Variants in NALF1 observed in about 807,000 individuals in gnomAD.
NALF1 encodes the protein family with sequence similarity 155 member A.
In NALF1, 3 loss-of-function variants were observed where a neutral mutation model predicts 48.4. The observed-to-expected ratio is 0.06, with a 90% CI of 0.03 to 0.16. The LOEUF (loss-of-function observed/expected upper bound fraction) is 0.16, where lower values mean the gene tolerates loss of function less well. Among genes scored for constraint, NALF1 ranks in the 10% least tolerant of loss-of-function variants. The pLI, the probability that NALF1 is intolerant of heterozygous loss-of-function variation, is 1.00. For missense variants in NALF1, 526 were observed against 571.5 expected (o/e 0.92, Z 0.81); for synonymous variants, 262 against 245.7 (o/e 1.07, Z -0.62).
At chr13:107,189,468 C>T (rs748241248) in intron 2 of NALF1, among the ~76,000 whole-genome samples, 2 of 152,110 alleles carry the variant, frequency 1.3e-5, no homozygotes, top group African/African-American at 4.8e-5. Context: ...TCTTAGTGAT[C>T]GTTGGACTTT....
chr13:107,254,210 G>T (rs547974759), intron 1 of NALF1, among the ~76,000 whole-genome samples: 1 of 152,192 alleles, frequency 6.6e-6, no homozygotes, highest in Non-Finnish European at 1.5e-5. Flanking sequence ...TGAGCAAGAA[G>T]TTGTCATCTT....
intron 1 of NALF1, among the ~76,000 whole-genome samples, chr13:107,344,845 A>G (rs1033997877): frequency 6.6e-6 from 1 of 152,196 alleles, no homozygotes; most frequent in African/African-American, 2.4e-5. Flanking sequence ...TAGTAGAAAA[A>G]TATATAAATA....
chr13:107,462,745 C>G (rs1054874906), intron 1 of NALF1, among the ~76,000 whole-genome samples: 2 of 152,196 alleles, frequency 1.3e-5, no homozygotes, highest in African/African-American at 4.8e-5. Flanking sequence ...GGCAGCTACA[C>G]TTTGTGGGTG....
At chr13:107,858,082 T>A (rs1880481717) in intron 1 of NALF1, among the ~76,000 whole-genome samples, 1 of 152,242 alleles carries the variant, frequency 6.6e-6, no homozygotes, top group Non-Finnish European at 1.5e-5. Flanking sequence ...GTTCTTCTGA[T>A]CTTCACATTA....
intron 1 of NALF1, among the ~76,000 whole-genome samples, chr13:107,332,526 C>T (rs1882488342): frequency 6.6e-6 from 1 of 152,216 alleles, no homozygotes; most frequent in Non-Finnish European, 1.5e-5. Context: ...ACGCATGGCC[C>T]CTCAGGAGCA....
At chr13:107,229,325 G>A (rs1880172269) in intron 1 of NALF1, among the ~76,000 whole-genome samples, 1 of 152,150 alleles carries the variant, frequency 6.6e-6, no homozygotes, top group Non-Finnish European at 1.5e-5. Context: ...CTGGAGAAAG[G>A]CACTTTTGGG....
At chr13:107,580,362 C>T (rs1056500768) in intron 1 of NALF1, among the ~76,000 whole-genome samples, 1 of 152,118 alleles carries the variant, frequency 6.6e-6, no homozygotes, top group Non-Finnish European at 1.5e-5. Flanking sequence ...ATTTCCCACC[C>T]CAGGGCTTTA....
At chr13:107,865,578 A>G in intron 1 of NALF1, 104 bp downstream of exon 1, 2 of 1,464,644 alleles carry the variant, frequency 1.4e-6, no homozygotes, top group Non-Finnish European at 1.8e-6. Context: ...ACACAAAGTA[A>G]CAAAACCATA....
At chr13:107,861,549 C>T (rs1314174812) in intron 1 of NALF1, among the ~76,000 whole-genome samples, 1 of 152,198 alleles carries the variant, frequency 6.6e-6, no homozygotes, top group African/African-American at 2.4e-5. Context: ...CTTTGGGAGG[C>T]CAAGGCGGGC....
chr13:107,188,951 A>C (rs1311478728), intron 2 of NALF1, among the ~76,000 whole-genome samples: 1 of 152,252 alleles, frequency 6.6e-6, no homozygotes, highest in Non-Finnish European at 1.5e-5. Flanking sequence ...AGAAAAGGCC[A>C]TACTGACCTG....
chr13:107,174,349 TTA>T (rs564432808), intron 2 of NALF1, among the ~76,000 whole-genome samples: 75,777 of 141,774 alleles, frequency 0.53, 19,586 homozygotes, highest in Middle Eastern at 0.61. Context: ...TTATTTTTAT[TTA>T]TTTATTTATT....
At chr13:107,196,710 G>A (rs1566447642) in intron 2 of NALF1, among the ~76,000 whole-genome samples, 1 of 152,140 alleles carries the variant, frequency 6.6e-6, no homozygotes, top group Non-Finnish European at 1.5e-5. Context: ...GGAGATGTAG[G>A]TCAAAGGATG....
rs1262045202 is a variant in NALF1 at position 107,249,505 on chromosome 13, A to G, written c.916-38750T>C. On this transcript the variant is annotated intron_variant, in intron 1 of 2. Coordinates refer to ENST00000375915, the MANE Select transcript of NALF1 (RefSeq NM_001080396.3). ...AAAATATCAACTTTATGAAGCCAAAAATATTTAGTGAGTGACCGTAGGTTG... is the reference window on the plus strand; with the variant it reads ...AAAATATCAACTTTATGAAGCCAAAGATATTTAGTGAGTGACCGTAGGTTG... 2.0e-5 allele frequency among the ~76,000 whole-genome samples: 3 copies of G among 152,224 alleles called. No homozygotes were observed. The East Asian group carries it at 5.8e-4, about 29-fold the overall frequency.
At chr13:107,358,054 A>T (rs1882993304) in intron 1 of NALF1, among the ~76,000 whole-genome samples, 1 of 152,186 alleles carries the variant, frequency 6.6e-6, no homozygotes, top group South Asian at 2.1e-4. Context: ...ACGTGTGCAT[A>T]TGCATATTTA....
At chr13:107,411,479 G>A (rs1439054388) in intron 1 of NALF1, among the ~76,000 whole-genome samples, 1 of 151,952 alleles carries the variant, frequency 6.6e-6, no homozygotes, top group Non-Finnish European at 1.5e-5. Context: ...GCTGAAATGT[G>A]CAGTCTTAAA....
intron 1 of NALF1, among the ~76,000 whole-genome samples, chr13:107,599,625 CTTA>C (rs1341798347): frequency 7.2e-5 from 11 of 152,146 alleles, no homozygotes; most frequent in Admixed American, 3.3e-4. Context: ...CATTTTATAA[CTTA>C]TTTTTACTTC....
At chr13:107,300,489 T>G (rs1437309086) in intron 1 of NALF1, among the ~76,000 whole-genome samples, 1 of 152,202 alleles carries the variant, frequency 6.6e-6, no homozygotes, top group Non-Finnish European at 1.5e-5. Flanking sequence ...ATATTAATAT[T>G]TGCATTATTT....
At position 107,246,822 on chromosome 13, in the gene NALF1, AG is replaced by A. The variant is rs145223269; in HGVS notation, c.916-36068del. On this transcript the variant is annotated intron_variant, in intron 1 of 2. Transcript: ENST00000375915. ...ATACTTATGTTTGGACATAGAAAAG[AG>A]GAAAGGGGAGAATTTCATCTTTCAA... is the stretch of plus-strand genomic sequence containing the variant. 4.8e-3 allele frequency among the ~76,000 whole-genome samples: 736 copies of A among 152,340 alleles called. 3 individuals are homozygous for A. Among genetic ancestry groups the A allele is most frequent in the African/African-American group, 0.017 (706 of 41,586 alleles).
chr13:107,660,434 AAAACACACAC>A (rs1163623922), intron 1 of NALF1, among the ~76,000 whole-genome samples: 2 of 96,534 alleles, frequency 2.1e-5, no homozygotes, highest in Admixed American at 1.3e-4. Flanking sequence ...CTCTGTCTCA[AAAACACACAC>A]ACACACACAC....
Sources: gnomAD v4.1 joint callset for allele counts (sites outside exome capture counted in the v4.1 genomes callset) on GRCh38, gnomAD v4.1.1 for gene constraint, MANE v1.5 for transcripts, NCBI Gene and HGNC (gene_info 2026-07-23, HGNC 2026-07-21) for gene names.